Variants in CAMTA1 observed in about 807,000 individuals in gnomAD.
CAMTA1 encodes calmodulin-binding transcription activator 1.
In CAMTA1, 27 loss-of-function variants were observed where a neutral mutation model predicts 170.9. That is an observed-to-expected ratio of 0.16 (90% CI 0.12 to 0.22). CAMTA1 has a LOEUF of 0.22. Among genes scored for constraint, CAMTA1 ranks in the 10% least tolerant of loss-of-function variants. CAMTA1 has a pLI of 1.00. For missense variants in CAMTA1, 1,619 were observed against 2,217.2 expected, an observed-to-expected ratio of 0.73 and a Z score of 5.42; for synonymous variants, 833 against 891.5, an observed-to-expected ratio of 0.93 and a Z score of 1.17.
intron 6 of CAMTA1, among the ~76,000 whole-genome samples, chr1:7,611,324 C>A (rs191333241): frequency 1.3e-5 from 2 of 152,168 alleles, no homozygotes; most frequent in Non-Finnish European, 2.9e-5. Flanking sequence ...ACATTATCTC[C>A]GTTACTGAGT....
In CAMTA1 at chr1:6,820,232, A is replaced by G; in HGVS notation, c.97A>G (p.Thr33Ala). 6.2e-7 allele frequency: 1 copy of G among 1,613,956 alleles called. No individual in the cohort carries two copies. The highest frequency in any genetic ancestry group is 8.5e-7 in the Non-Finnish European group (1 of 1,179,868). ...CGTSTYCVLNTVPPIEDDHGN... is the reference protein window; with the variant it reads ...CGTSTYCVLNAVPPIEDDHGN... ...AACTAGCACCTACTGTGTTCTCAAC[A>G]CCGTGCCACCTATAGAAGGTAGGAT... The change falls in exon 2 of 23, where the codon ACC (threonine) becomes GCC (alanine). Residue 33 changes from threonine to alanine, a missense_variant. Physicochemically the swap from Thr to Ala is moderately conservative, Grantham distance 58. Around this residue, in one of 8 missense-constraint regions of CAMTA1, gnomAD observed 61 missense variants for 57.7 expected, o/e 1.06. Coordinates refer to ENST00000303635, the MANE Select transcript of CAMTA1 (RefSeq NM_015215.4).
intron 6 of CAMTA1, among the ~76,000 whole-genome samples, chr1:7,531,047 C>T (rs1424286976): frequency 6.6e-6 from 1 of 152,010 alleles, no homozygotes; most frequent in African/African-American, 2.4e-5. Flanking sequence ...AAACTCCTGA[C>T]CTCAGGTGAT....
intron 5 of CAMTA1, among the ~76,000 whole-genome samples, chr1:7,373,692 C>T (rs1178866183): frequency 6.6e-6 from 1 of 152,180 alleles, no homozygotes; most frequent in Non-Finnish European, 1.5e-5. Context: ...AGTCTTTTTG[C>T]TTCTGAAAAA....
chr1:7,319,149 G>C lies in CAMTA1; in HGVS notation c.438+69523G>C, dbSNP rs188907338. Among the ~76,000 whole-genome samples, 25 of 152,280 alleles carry C rather than the reference G, an allele frequency of 1.6e-4. No homozygotes were observed. In the East Asian group the frequency reaches 4.8e-3, roughly 29 times the overall value. ...TGATTAATTACTTATGTACATTTGT[G>C]GTGGGCACTTCAGAGGAAAGGTGCA... On this transcript the variant is annotated intron_variant, in intron 5 of 22. Transcript: ENST00000303635.
rs919460146 is a variant in CAMTA1 at position 7,251,418 on chromosome 1, G to A, written c.438+1792G>A. On this transcript the variant is annotated intron_variant, in intron 5 of 22. Coordinates refer to ENST00000303635, the MANE Select transcript of CAMTA1 (RefSeq NM_015215.4). The surrounding 1 kb of genome is among the most constrained non-coding windows in gnomAD (Gnocchi z 5.1). ...CTCAGAACTTCGGGAAAGGGAGACGGGCAGGATGGGGAGGGGTTTCCATGA... is the reference window on the plus strand; with the variant it reads ...CTCAGAACTTCGGGAAAGGGAGACGAGCAGGATGGGGAGGGGTTTCCATGA... Among the ~76,000 whole-genome samples the A allele has an allele frequency of 2.0e-5, 3 of 152,186 alleles. No individual in the cohort carries two copies. Among genetic ancestry groups the A allele is most frequent in the Non-Finnish European group, 2.9e-5 (2 of 68,042 alleles).
At chr1:7,232,543 A>G (rs930682731) in intron 4 of CAMTA1, among the ~76,000 whole-genome samples, 6 of 152,132 alleles carry the variant, frequency 3.9e-5, no homozygotes, top group African/African-American at 1.2e-4. Context: ...TTATTGGCCT[A>G]TCTCCTTGCT....
chr1:7,013,874 G>T (rs942181418), intron 3 of CAMTA1, among the ~76,000 whole-genome samples: 1 of 152,190 alleles, frequency 6.6e-6, no homozygotes, highest in African/African-American at 2.4e-5. Context: ...CGGCTTCCTT[G>T]TGACTCCTCT....
intron 3 of CAMTA1, among the ~76,000 whole-genome samples, chr1:6,855,704 A>T (rs1206160708): frequency 6.6e-6 from 1 of 152,152 alleles, no homozygotes; most frequent in African/African-American, 2.4e-5. Context: ...GCAGCGTTTA[A>T]TGTGGATAAT....
chr1:7,393,010 G>C (rs1004303542), intron 5 of CAMTA1, among the ~76,000 whole-genome samples: 1 of 150,766 alleles, frequency 6.6e-6, no homozygotes, highest in Non-Finnish European at 1.5e-5. Context: ...CTATGATCGC[G>C]CCACTGCGTT....
At chr1:7,620,684 A>G (rs2095592052) in intron 6 of CAMTA1, among the ~76,000 whole-genome samples, 1 of 152,062 alleles carries the variant, frequency 6.6e-6, no homozygotes, top group Non-Finnish European at 1.5e-5. Flanking sequence ...TACCTCATAA[A>G]TGTGGGTTAG....
chr1:6,877,701 A>G (rs1670325463), intron 3 of CAMTA1, among the ~76,000 whole-genome samples: 1 of 152,214 alleles, frequency 6.6e-6, no homozygotes, highest in South Asian at 2.1e-4. Flanking sequence ...TACGCTGGCC[A>G]CAGAACTTCA....
chr1:6,975,482 C>CTGCAAGAA (rs1232150475), intron 3 of CAMTA1, among the ~76,000 whole-genome samples: 5 of 152,120 alleles, frequency 3.3e-5, no homozygotes, highest in African/African-American at 1.2e-4. Flanking sequence ...CGTTTGTTGA[C>CTGCAAGAA]TGCAAGAATG....
intron 3 of CAMTA1, among the ~76,000 whole-genome samples, chr1:7,031,552 T>C (rs918559835): frequency 3.3e-5 from 5 of 152,214 alleles, no homozygotes; most frequent in Admixed American, 2.0e-4. Context: ...CTGTCTTTTT[T>C]TTCTTGAGAC....
At chr1:6,869,873 A>C (rs1667888552) in intron 3 of CAMTA1, among the ~76,000 whole-genome samples, 1 of 152,184 alleles carries the variant, frequency 6.6e-6, no homozygotes, top group Admixed American at 6.5e-5. Flanking sequence ...CTTTTGGCAG[A>C]GATTAAGCTG....
At chr1:6,914,642 C>G (rs572071134) in intron 3 of CAMTA1, among the ~76,000 whole-genome samples, 3 of 152,194 alleles carry the variant, frequency 2.0e-5, no homozygotes, top group African/African-American at 7.2e-5. Context: ...TATTCCCAGG[C>G]AGGCCCCTAG....
chr1:7,581,282 G>T (rs919755091), intron 6 of CAMTA1, among the ~76,000 whole-genome samples: 4 of 152,202 alleles, frequency 2.6e-5, no homozygotes, highest in Non-Finnish European at 5.9e-5. Context: ...GGCTGCCTCC[G>T]AAGGGCCTGC....
intron 21 of CAMTA1, among the ~76,000 whole-genome samples, chr1:7,754,072 G>A (rs1050444034): frequency 6.6e-6 from 1 of 152,096 alleles, no homozygotes; most frequent in African/African-American, 2.4e-5. Context: ...GACTCACCTG[G>A]GCCCTTTTCC....
chr1:7,073,974 A>G (rs1295864756), intron 3 of CAMTA1, among the ~76,000 whole-genome samples: 3 of 152,296 alleles, frequency 2.0e-5, no homozygotes, highest in East Asian at 3.9e-4. Flanking sequence ...ATTAAATGAG[A>G]TGTTATTGGA....
At chr1:7,254,964 C>A (rs775970998) in intron 5 of CAMTA1, among the ~76,000 whole-genome samples, 19 of 152,302 alleles carry the variant, frequency 1.2e-4, no homozygotes, top group Middle Eastern at 3.4e-3. Flanking sequence ...GCAAACAAAC[C>A]AGCAGGGAGG....
Sources: allele counts gnomAD v4.1 joint callset (sites outside exome capture counted in the v4.1 genomes callset), GRCh38; gene constraint gnomAD v4.1.1; regional missense constraint gnomAD v4.1.1; non-coding constraint Gnocchi (gnomAD v3.1); transcripts MANE v1.5; gene names NCBI Gene and HGNC (gene_info 2026-07-23, HGNC 2026-07-21).